PDE7B: variants seen among roughly 807,000 people sequenced by gnomAD.
PDE7B encodes the protein 3',5'-cyclic-AMP phosphodiesterase 7B.
PDE7B carries 29 observed loss-of-function variants against 56.2 expected under a neutral mutation model. The ratio of observed to expected loss-of-function variants is 0.52; its 90% confidence interval spans 0.38 to 0.70. The LOEUF (loss-of-function observed/expected upper bound fraction) is 0.70. PDE7B is among the 30% of genes least tolerant of loss of function. The pLI is 0.00. For missense variants in PDE7B, 490 were observed against 565.0 expected, an observed-to-expected ratio of 0.87 and a Z score of 1.35; for synonymous variants, 197 against 196.9, an observed-to-expected ratio of 1.00 and a Z score of 0.00.
intron 4 of PDE7B, among the ~76,000 whole-genome samples, chr6:136,147,994 A>G (rs1435724096): frequency 6.6e-6 from 1 of 152,138 alleles, no homozygotes; most frequent in Non-Finnish European, 1.5e-5. Context: ...TAACTCTACA[A>G]TTACTTTAGT....
intron 1 of PDE7B, among the ~76,000 whole-genome samples, chr6:135,931,243 A>G (rs998492623): frequency 6.6e-6 from 1 of 152,230 alleles, no homozygotes; most frequent in Non-Finnish European, 1.5e-5. Flanking sequence ...ACATGAATCC[A>G]TTCCATAATT....
intron 2 of PDE7B, among the ~76,000 whole-genome samples, chr6:136,000,270 A>G (rs925538252): frequency 2.0e-5 from 3 of 151,946 alleles, no homozygotes; most frequent in Non-Finnish European, 2.9e-5. Context: ...CCCATTTGTC[A>G]ATTTTTGCTT....
chr6:136,151,175 C>T lies in PDE7B; in HGVS notation c.398C>T (p.Thr133Ile). The change falls in exon 6 of 13, where the codon ACA becomes ATA. Residue 133 changes from threonine to isoleucine, a missense_variant. Physicochemically the swap from Thr to Ile is moderately conservative, Grantham distance 89 (BLOSUM62 -1). Coordinates refer to ENST00000308191, the MANE Select transcript of PDE7B (RefSeq NM_018945.4). The part of the protein sequence containing the change: ...DRLTNGNSLV[T>I]LLCHLFNTHG... Reference sequence around the variant, plus strand: ...TTTCCTGCAGGAAACAGCCTGGTAACACTGTTGTGCCACCTCTTCAATACC... The same window carrying T: ...TTTCCTGCAGGAAACAGCCTGGTAATACTGTTGTGCCACCTCTTCAATACC... 6.2e-7 allele frequency: 1 copy of T among 1,605,064 alleles called. No individual in the cohort carries two copies. The highest frequency in any genetic ancestry group is 8.5e-7 in the Non-Finnish European group (1 of 1,172,056).
chr6:135,977,074 G>A (rs11967535), intron 2 of PDE7B, among the ~76,000 whole-genome samples: 11,488 of 152,128 alleles, frequency 0.076, 825 homozygotes, highest in African/African-American at 0.19. Context: ...GAGGGAGGAA[G>A]TGAGATGAGA....
chr6:136,159,593 T>C (rs1778669913), intron 8 of PDE7B, among the ~76,000 whole-genome samples: 1 of 152,136 alleles, frequency 6.6e-6, no homozygotes, highest in African/African-American at 2.4e-5. Context: ...AGGCTGGGGC[T>C]CTCATAGTGT....
intron 1 of PDE7B, among the ~76,000 whole-genome samples, chr6:135,891,859 G>A (rs563379612): frequency 2.0e-5 from 3 of 152,102 alleles, no homozygotes; most frequent in African/African-American, 7.2e-5. Context: ...TAGCATAGCT[G>A]GACTGTAAGC....
intron 1 of PDE7B, among the ~76,000 whole-genome samples, chr6:135,934,780 T>TTA (rs1373588009): frequency 8.4e-6 from 1 of 118,458 alleles, no homozygotes; most frequent in East Asian, 2.2e-4. Context: ...TATATATTTA[T>TTA]TATATATATA....
chr6:135,926,775 A>G (rs2128196314), intron 1 of PDE7B, among the ~76,000 whole-genome samples: 1 of 152,120 alleles, frequency 6.6e-6, no homozygotes, highest in Non-Finnish European at 1.5e-5. Context: ...AACCAATCTA[A>G]CGACTTCTAC....
chr6:135,876,278 A>C (rs1156735763), intron 1 of PDE7B, among the ~76,000 whole-genome samples: 1 of 151,968 alleles, frequency 6.6e-6, no homozygotes, highest in Non-Finnish European at 1.5e-5. Context: ...CTCCGCACAC[A>C]CCTGTGGATC....
chr6:136,000,507 GT>G lies in PDE7B; in HGVS notation c.82+52984del, dbSNP rs567631729. ...CCCAGCACCATTTATTGAATAGTGA[GT>G]CTTTTCCCCTGTCTTGTTTTTGTCA... On this transcript the variant is annotated intron_variant, in intron 2 of 12. Transcript: ENST00000308191. 2.9e-3 allele frequency among the ~76,000 whole-genome samples: 445 copies of G among 152,292 alleles called. 2 individuals carry two copies. The highest frequency in any genetic ancestry group is 9.8e-3 in the African/African-American group (408 of 41,550).
At chr6:136,121,987 T>C (rs1054280749) in intron 3 of PDE7B, among the ~76,000 whole-genome samples, 7 of 152,010 alleles carry the variant, frequency 4.6e-5, no homozygotes, top group African/African-American at 1.7e-4. Flanking sequence ...TGGTCTTGAA[T>C]GCCAATTTAT....
intron 1 of PDE7B, among the ~76,000 whole-genome samples, chr6:135,883,690 A>G (rs1212181209): frequency 2.0e-5 from 3 of 152,028 alleles, no homozygotes; most frequent in South Asian, 2.1e-4. Context: ...TTTGGTCTAC[A>G]CTCTTTGGGC....
chr6:136,178,628 A>T (rs202134082), intron 9 of PDE7B, among the ~76,000 whole-genome samples: 5 of 152,096 alleles, frequency 3.3e-5, no homozygotes, highest in African/African-American at 1.2e-4. Context: ...CTCCGTGCAC[A>T]TCTTCATGTT....
intron 1 of PDE7B, among the ~76,000 whole-genome samples, chr6:135,939,656 C>T (rs1028068735): frequency 2.0e-5 from 3 of 152,130 alleles, no homozygotes; most frequent in Non-Finnish European, 4.4e-5. Flanking sequence ...GCCACTGTCA[C>T]GTAGGAGACC....
chr6:136,158,613 A>G (rs1022621953), intron 8 of PDE7B, among the ~76,000 whole-genome samples: 3 of 152,162 alleles, frequency 2.0e-5, no homozygotes, highest in African/African-American at 7.2e-5. Flanking sequence ...AGATAAAGAG[A>G]GAGCAGGGCA....
chr6:136,046,992 T>C (rs577092476), intron 2 of PDE7B, among the ~76,000 whole-genome samples: 144 of 152,278 alleles, frequency 9.5e-4, no homozygotes, highest in Admixed American at 1.6e-3. Flanking sequence ...GCAGAGGATA[T>C]GCACAAGAGA....
intron 2 of PDE7B, among the ~76,000 whole-genome samples, chr6:135,970,793 TGGCCTAGGGA>T (rs1029937840): frequency 1.3e-5 from 2 of 152,270 alleles, no homozygotes; most frequent in Non-Finnish European, 2.9e-5. Flanking sequence ...ATTAGTGGTT[TGGCCTAGGGA>T]GACTGTAGTG....
intron 2 of PDE7B, among the ~76,000 whole-genome samples, chr6:136,000,437 G>C (rs1389578983): frequency 6.6e-6 from 1 of 152,166 alleles, no homozygotes; most frequent in African/African-American, 2.4e-5. Flanking sequence ...TATAGCATAA[G>C]AAAGTAGTCC....
intron 2 of PDE7B, among the ~76,000 whole-genome samples, chr6:135,989,976 A>C (rs1775450657): frequency 1.3e-5 from 2 of 152,234 alleles, no homozygotes; most frequent in African/African-American, 4.8e-5. Context: ...GTCCAAAACA[A>C]AGAATATCTA....
Sources: allele counts gnomAD v4.1 joint callset (sites outside exome capture counted in the v4.1 genomes callset), GRCh38; gene constraint gnomAD v4.1.1; transcripts MANE v1.5; gene names NCBI Gene and HGNC (gene_info 2026-07-23, HGNC 2026-07-21).